NKAIN2: variants seen among roughly 807,000 people sequenced by gnomAD.
NKAIN2 encodes the protein sodium/potassium-transporting ATPase subunit beta-1-interacting protein 2.
Under a neutral mutation model 32.6 loss-of-function variants are expected in NKAIN2, and 14 were observed. The observed-to-expected ratio is 0.43, with a 90% CI of 0.28 to 0.67. The LOEUF is 0.67. Ranked by LOEUF, NKAIN2 falls within the 30% of genes least tolerant of loss-of-function variation. NKAIN2 has a pLI of 0.17. For synonymous variants in NKAIN2, 80 were observed against 87.2 expected (o/e 0.92, Z 0.46); for missense variants, 198 against 258.3 (o/e 0.77, Z 1.60).
intron 2 of NKAIN2, among the ~76,000 whole-genome samples, chr6:124,335,624 C>A (rs753226612): frequency 6.6e-6 from 1 of 152,108 alleles, no homozygotes; most frequent in Non-Finnish European, 1.5e-5. Context: ...AACTACCACA[C>A]ATCTACCATA....
At chr6:124,119,291 A>G (rs946468389) in intron 1 of NKAIN2, among the ~76,000 whole-genome samples, 8 of 152,174 alleles carry the variant, frequency 5.3e-5, no homozygotes, top group Non-Finnish European at 1.0e-4. Context: ...CATTCTCCAG[A>G]ACAAATGTAT....
At chr6:123,888,115 T>G (rs1773815290) in intron 1 of NKAIN2, among the ~76,000 whole-genome samples, 1 of 152,160 alleles carries the variant, frequency 6.6e-6, no homozygotes, top group African/African-American at 2.4e-5. Context: ...CTTTAAAATA[T>G]AAATATCTAG....
chr6:124,386,869 C>T (rs897321187), intron 3 of NKAIN2, among the ~76,000 whole-genome samples: 1 of 152,098 alleles, frequency 6.6e-6, no homozygotes, highest in African/African-American at 2.4e-5. Flanking sequence ...TCCCCCTAAA[C>T]CTTTTGTAAC....
At chr6:123,825,254 T>G (rs2046843) in intron 1 of NKAIN2, among the ~76,000 whole-genome samples, 1 of 151,996 alleles carries the variant, frequency 6.6e-6, no homozygotes, top group Non-Finnish European at 1.5e-5. Flanking sequence ...ACACGTGGAT[T>G]TTGTGGGGAC....
intron 1 of NKAIN2, among the ~76,000 whole-genome samples, chr6:124,004,377 T>A (rs1204205713): frequency 6.6e-6 from 1 of 151,826 alleles, no homozygotes; most frequent in East Asian, 1.9e-4. Flanking sequence ...ATAACTTACC[T>A]GAGTAATTCC....
At chr6:124,332,740 C>T (rs934950145) in intron 2 of NKAIN2, among the ~76,000 whole-genome samples, 36 of 152,170 alleles carry the variant, frequency 2.4e-4, no homozygotes, top group Admixed American at 2.4e-3. Flanking sequence ...AAGTGGCTGA[C>T]ATAAGGAATG....
chr6:123,977,885 T>C (rs1016609704), intron 1 of NKAIN2, among the ~76,000 whole-genome samples: 10 of 152,156 alleles, frequency 6.6e-5, no homozygotes, highest in African/African-American at 2.4e-4. Context: ...ATACAAACCC[T>C]CAAATTTTAC....
At chr6:123,867,899 T>C (rs944823102) in intron 1 of NKAIN2, among the ~76,000 whole-genome samples, 6 of 150,834 alleles carry the variant, frequency 4.0e-5, no homozygotes, top group South Asian at 2.1e-4. Context: ...GACAGAGTCT[T>C]GCTCTGTCGC....
chr6:124,461,969 ATCT>A (rs1776549830), intron 3 of NKAIN2, among the ~76,000 whole-genome samples: 1 of 151,872 alleles, frequency 6.6e-6, no homozygotes, highest in Non-Finnish European at 1.5e-5. Context: ...ATGAATGTGT[ATCT>A]TCTGTGTAAT....
In NKAIN2 at chr6:124,788,996, C is replaced by A. The variant is rs1379420650; in HGVS notation, c.475-2343C>A. Among the ~76,000 whole-genome samples, 4 of 152,042 alleles carry A rather than the reference C, an allele frequency of 2.6e-5. No homozygotes were observed. In the South Asian group the frequency reaches 6.2e-4, roughly 24 times the overall value. On this transcript the variant is annotated intron_variant, in intron 4 of 6. Coordinates refer to ENST00000368417, the MANE Select transcript of NKAIN2 (RefSeq NM_001040214.3). ...TAAAAGCTAAAGTTCTCTTAATCAGCAAGCTTTTGTAACAAAATGCAGCAG... is the reference window on the plus strand; with the variant it reads ...TAAAAGCTAAAGTTCTCTTAATCAGAAAGCTTTTGTAACAAAATGCAGCAG...
intron 1 of NKAIN2, among the ~76,000 whole-genome samples, chr6:124,211,404 C>G (rs540488474): frequency 6.6e-6 from 1 of 152,022 alleles, no homozygotes; most frequent in South Asian, 2.1e-4. Flanking sequence ...TGCTGTTTTT[C>G]TGACCCTAAA....
At chr6:123,808,418 TTTC>T (rs1203498292) in intron 1 of NKAIN2, among the ~76,000 whole-genome samples, 2 of 152,174 alleles carry the variant, frequency 1.3e-5, no homozygotes, top group South Asian at 4.1e-4. Context: ...AAATGATAAC[TTTC>T]TTCTTTTTAA....
At chr6:124,095,245 C>T (rs1283551595) in intron 1 of NKAIN2, among the ~76,000 whole-genome samples, 1 of 152,068 alleles carries the variant, frequency 6.6e-6, no homozygotes, top group African/African-American at 2.4e-5. Context: ...AATATTCCCA[C>T]TGACTATTCA....
rs1777973359 is a variant in NKAIN2, at chr6:123,964,100, C to T, written c.54+159846C>T. ...ACAACATCCAATTACAAAATTACTC[C>T]TAGGGGAAAATACAAGCTGTTTTAT... On this transcript the variant is annotated intron_variant, in intron 1 of 6. Transcript: ENST00000368417. The surrounding 1 kb of genome is among the most constrained non-coding windows in gnomAD (Gnocchi z 4.0). Among the ~76,000 whole-genome samples the T allele has an allele frequency of 6.6e-6, 1 of 152,070 alleles. No homozygotes were observed. Among genetic ancestry groups the T allele is most frequent in the African/African-American group, 2.4e-5 (1 of 41,410 alleles).
At position 124,022,995 on chromosome 6, in the gene NKAIN2, A is replaced by G. The variant is rs76009869; in HGVS notation, c.54+218741A>G. Among the ~76,000 whole-genome samples the G allele has an allele frequency of 2.0e-4, 31 of 152,078 alleles. No homozygotes were observed. The East Asian group carries it at 6.0e-3, about 29-fold the overall frequency. ...CATAGCCCAAGTCTCTCACAGTTCT[A>G]AACTTTTCGGTTAAAGATTATAGAC... On this transcript the variant is annotated intron_variant, in intron 1 of 6. Coordinates refer to ENST00000368417, the MANE Select transcript of NKAIN2 (RefSeq NM_001040214.3).
intron 1 of NKAIN2, among the ~76,000 whole-genome samples, chr6:123,948,597 A>ATTTTTTTTTTTT (rs71021472): frequency 8.1e-5 from 4 of 49,314 alleles, no homozygotes; most frequent in Non-Finnish European, 1.2e-4. Context: ...CTTAAATGGG[A>ATTTTTTTTTTTT]TTTTTTTTTT....
At chr6:124,344,325 G>T (rs1798293574) in intron 2 of NKAIN2, among the ~76,000 whole-genome samples, 1 of 151,880 alleles carries the variant, frequency 6.6e-6, no homozygotes, top group Non-Finnish European at 1.5e-5. Flanking sequence ...GCTCTTTTTT[G>T]GTTCCATATG....
At chr6:124,581,225 G>T (rs915226570) in intron 3 of NKAIN2, among the ~76,000 whole-genome samples, 7 of 151,680 alleles carry the variant, frequency 4.6e-5, no homozygotes, top group Non-Finnish European at 8.8e-5. Flanking sequence ...GGATCATGAG[G>T]TCACGAGATC....
intron 1 of NKAIN2, among the ~76,000 whole-genome samples, chr6:123,897,479 C>A (rs1316541935): frequency 6.6e-6 from 1 of 152,084 alleles, no homozygotes; most frequent in East Asian, 1.9e-4. Context: ...TGCTATGACT[C>A]TTTATTCACA....
Sources: allele counts gnomAD v4.1 joint callset (sites outside exome capture counted in the v4.1 genomes callset), GRCh38; gene constraint gnomAD v4.1.1; non-coding constraint Gnocchi (gnomAD v3.1); transcripts MANE v1.5; gene names NCBI Gene and HGNC (gene_info 2026-07-23, HGNC 2026-07-21).